The following PGBD5 variants were observed in gnomAD, a reference collection of about 807,000 sequenced individuals.
PGBD5 encodes the protein piggyBac transposable element derived 5, also known as piggyBac transposable element-derived protein 5.
A neutral mutation model predicts 47.9 loss-of-function variants in PGBD5; 14 were observed. That is an observed-to-expected ratio of 0.29 (90% CI 0.19 to 0.46). The LOEUF is 0.46. PGBD5 is among the 20% of genes least tolerant of loss of function. The pLI is 1.00. For missense variants in PGBD5, 635 were observed against 716.0 expected (o/e 0.89, Z 1.29); for synonymous variants, 316 against 306.3 (o/e 1.03, Z -0.33).
chr1:230,397,803 T>A (rs1452422575), intron 1 of PGBD5, among the ~76,000 whole-genome samples: 1 of 152,194 alleles, frequency 6.6e-6, no homozygotes, highest in Admixed American at 6.5e-5. Flanking sequence ...GACATCTTCC[T>A]TATGTGTCTT....
In PGBD5 at chr1:230,357,382, G is replaced by A. The variant is rs368703002; in HGVS notation, c.332-61C>T. On this transcript the variant is annotated intron_variant, in intron 1 of 6. Coordinates refer to ENST00000391860, the MANE Select transcript of PGBD5 (RefSeq NM_001258311.2). This position sits in a 1 kb window ranked among gnomAD's most constrained non-coding sequence, Gnocchi z 5.7. ...CGGCCGCCACACCCTGACTCGACACGAGAACGGCTGCATTTCCAATCCCTG... is the reference window on the plus strand; with the variant it reads ...CGGCCGCCACACCCTGACTCGACACAAGAACGGCTGCATTTCCAATCCCTG... 70 of 1,539,584 alleles carry A rather than the reference G, an allele frequency of 4.5e-5. 1 individual carries two copies. In the African/African-American group the frequency reaches 7.4e-4, roughly 16 times the overall value.
chr1:230,323,745 G>T lies in PGBD5; in HGVS notation c.1380-125C>A. 2 of 868,240 alleles carry T rather than the reference G, an allele frequency of 2.3e-6. No individual in the cohort carries two copies. The highest frequency in any genetic ancestry group is 3.5e-6 in the Non-Finnish European group (2 of 566,770). The allele number at this position is 868,240 out of a possible 1,614,324, so 53.8% of individuals were successfully genotyped here. On this transcript the variant is annotated intron_variant, in intron 6 of 6. Transcript: ENST00000391860. The surrounding 1 kb of genome is among the most constrained non-coding windows in gnomAD (Gnocchi z 4.1). ...GGTTCGCCCCCGACAGAAGCAGGAGGGCTATGGGGGCAGGAGTCAGGCTTG... is the reference window on the plus strand; with the variant it reads ...GGTTCGCCCCCGACAGAAGCAGGAGTGCTATGGGGGCAGGAGTCAGGCTTG...
chr1:230,315,930 A>T lies in PGBD5; in HGVS notation c.*7495T>A. 8.1e-6 allele frequency: 1 copy of T among 124,002 alleles called. No individual in the cohort carries two copies. The highest frequency in any genetic ancestry group is 1.8e-5 in the Non-Finnish European group (1 of 55,974). 7.7% of individuals were successfully genotyped at this position (124,002 alleles called of 1,614,324 possible). A position where few individuals can be genotyped will look rare whatever the true frequency, so the allele number is the denominator to read the frequency against. ...TATATGTATATGTGTATATGTGTAC[A>T]CATATATGTATGTGTATACATACAT... On this transcript the variant is annotated 3_prime_UTR_variant, in exon 7 of 7. Coordinates refer to ENST00000391860, the MANE Select transcript of PGBD5 (RefSeq NM_001258311.2).
chr1:230,370,964 G>A (rs930584770), intron 1 of PGBD5, among the ~76,000 whole-genome samples: 4 of 152,192 alleles, frequency 2.6e-5, no homozygotes, highest in African/African-American at 9.7e-5. Context: ...ATTTCCTGGT[G>A]TGCCCTCAGG....
chr1:230,374,670 A>C (rs777887559), intron 1 of PGBD5, among the ~76,000 whole-genome samples: 2 of 152,176 alleles, frequency 1.3e-5, no homozygotes, highest in Non-Finnish European at 2.9e-5. Context: ...GAGTAGAAAA[A>C]GAACAACAGG....
Position 230,323,019 on chromosome 1 carries a change from T to C in PGBD5, c.*406A>G. On this transcript the variant is annotated 3_prime_UTR_variant, in exon 7 of 7. Coordinates refer to ENST00000391860, the MANE Select transcript of PGBD5 (RefSeq NM_001258311.2). The surrounding 1 kb of genome is among the most constrained non-coding windows in gnomAD (Gnocchi z 4.1). ...CTTTGCTTCCTTCAAGTCTTGAACT[T>C]GAACCACGTCCCAGATTGCTGTAGA... 1 of 174,474 alleles carries C rather than the reference T, an allele frequency of 5.7e-6. No homozygotes were observed. Among genetic ancestry groups the C allele is most frequent in the East Asian group, 1.6e-4 (1 of 6,330 alleles). 10.8% of individuals were successfully genotyped at this position (174,474 alleles called of 1,614,324 possible).
At chr1:230,345,893 T>C (rs754052413) in intron 3 of PGBD5, among the ~76,000 whole-genome samples, 1 of 152,218 alleles carries the variant, frequency 6.6e-6, no homozygotes, top group Non-Finnish European at 1.5e-5. Context: ...GTGTATTAAA[T>C]GCATTTTTTT....
rs773430233 is a variant in PGBD5 at position 230,325,314 on chromosome 1, T to C, written c.1375A>G (p.Ser459Gly). Residue 459 changes from serine to glycine, a missense_variant, in exon 6 of 7, where the codon AGC (serine) becomes GGC (glycine). By Grantham distance (56) the Ser-to-Gly change is moderately conservative (BLOSUM62 0). Coordinates refer to ENST00000391860, the MANE Select transcript of PGBD5 (RefSeq NM_001258311.2). ...SYICRYDDKY[S>G]KYFISHKPNK... ...TGGAGGTGCCCAGCCACTTACTTGCTGTATTTGTCATCGTATCTGCAGATG... is the reference window on the plus strand; with the variant it reads ...TGGAGGTGCCCAGCCACTTACTTGCCGTATTTGTCATCGTATCTGCAGATG... 1 of 1,611,978 alleles carries C rather than the reference T, an allele frequency of 6.2e-7. No individual in the cohort carries two copies. The highest frequency in any genetic ancestry group is 8.5e-7 in the Non-Finnish European group (1 of 1,178,852).
At chr1:230,420,917 C>T (rs2102756110) in intron 1 of PGBD5, among the ~76,000 whole-genome samples, 1 of 152,312 alleles carries the variant, frequency 6.6e-6, no homozygotes, top group South Asian at 2.1e-4. Context: ...TGGTGGAATG[C>T]ACCTTCAGTC....
intron 3 of PGBD5, 94 bp from the exon 4 acceptor site, chr1:230,337,382 C>T: frequency 8.0e-7 from 1 of 1,242,576 alleles, no homozygotes; most frequent in South Asian, 1.6e-5. Flanking sequence ...GGGTCTCAGT[C>T]ATCCAGTTGG....
Position 230,357,977 on chromosome 1 carries a change from CAT to C in PGBD5, c.332-658_332-657del, listed in dbSNP as rs1667682551. 1.3e-5 allele frequency among the ~76,000 whole-genome samples: 2 copies of C among 149,046 alleles called. No individual in the cohort carries two copies. The highest frequency in any genetic ancestry group is 5.2e-5 in the African/African-American group (2 of 38,610). On this transcript the variant is annotated intron_variant, in intron 1 of 6. Coordinates refer to ENST00000391860, the MANE Select transcript of PGBD5 (RefSeq NM_001258311.2). The surrounding 1 kb of genome is among the most constrained non-coding windows in gnomAD (Gnocchi z 5.7). ...GCATATATACACATACATACACACA[CAT>C]ACATACATACATACACAGGCACACA... is the stretch of plus-strand genomic sequence containing the variant.
At chr1:230,339,207 T>C (rs1188331169) in intron 3 of PGBD5, among the ~76,000 whole-genome samples, 1 of 152,208 alleles carries the variant, frequency 6.6e-6, no homozygotes, top group Admixed American at 6.5e-5. Context: ...CCCCACCTTT[T>C]TTAAACCAGC....
intron 3 of PGBD5, among the ~76,000 whole-genome samples, chr1:230,346,711 C>A (rs1366261520): frequency 6.6e-6 from 1 of 152,210 alleles, no homozygotes; most frequent in Non-Finnish European, 1.5e-5. Context: ...ACACCACATA[C>A]CCTACTGTAT....
intron 1 of PGBD5, among the ~76,000 whole-genome samples, chr1:230,384,161 A>T (rs1039516974): frequency 6.6e-6 from 1 of 152,200 alleles, no homozygotes; most frequent in African/African-American, 2.4e-5. Flanking sequence ...GATGCTATAT[A>T]TTTCAACCAT....
intron 1 of PGBD5, chr1:230,367,992 T>C: frequency 7.3e-7 from 1 of 1,367,706 alleles, no homozygotes; most frequent in Non-Finnish European, 9.8e-7. Context: ...ACCAAGGAGC[T>C]GGGGGTTCTC....
intron 5 of PGBD5, among the ~76,000 whole-genome samples, chr1:230,329,650 T>C (rs1273731437): frequency 6.6e-6 from 1 of 152,226 alleles, no homozygotes; most frequent in Non-Finnish European, 1.5e-5. Flanking sequence ...TAGCTCAGAT[T>C]ATAGGCATGA....
chr1:230,350,837 T>C, intron 3 of PGBD5, 121 bp downstream of exon 3: 1 of 1,404,970 alleles, frequency 7.1e-7, no homozygotes, highest in East Asian at 2.4e-5. Context: ...CTGGGTGGAC[T>C]TGGACCCACA....
At position 230,420,696 on chromosome 1, in the gene PGBD5, C is replaced by T. The variant is rs141729660; in HGVS notation, c.331+4902G>A. On this transcript the variant is annotated intron_variant, in intron 1 of 6. Coordinates refer to ENST00000391860, the MANE Select transcript of PGBD5 (RefSeq NM_001258311.2). ...CTTGCCTTCCACCATGATTGTGAGG[C>T]CTCCCCAGCCATGTGGAACTATAAG... 8.3e-3 allele frequency among the ~76,000 whole-genome samples: 1,258 copies of T among 152,320 alleles called. 8 individuals are homozygous for T. Among genetic ancestry groups the T allele is most frequent in the Non-Finnish European group, 0.012 (844 of 68,032 alleles).
At chr1:230,391,568 CCCT>C (rs1035243845) in intron 1 of PGBD5, among the ~76,000 whole-genome samples, 2 of 152,178 alleles carry the variant, frequency 1.3e-5, no homozygotes, top group African/African-American at 4.8e-5. Context: ...TCACCCCTCT[CCCT>C]CCTCCTCACA....
Sources: allele counts gnomAD v4.1 joint callset (sites outside exome capture counted in the v4.1 genomes callset), GRCh38; gene constraint gnomAD v4.1.1; non-coding constraint Gnocchi (gnomAD v3.1); transcripts MANE v1.5; gene names NCBI Gene and HGNC (gene_info 2026-07-23, HGNC 2026-07-21).